Variants in SPIDR observed in about 807,000 individuals in gnomAD.
SPIDR encodes the protein scaffold protein involved in DNA repair, also known as DNA repair-scaffolding protein.
A neutral mutation model predicts 104.6 loss-of-function variants in SPIDR; 93 were observed. The ratio of observed to expected loss-of-function variants is 0.89; its 90% CI spans 0.75 to 1.06. SPIDR has a LOEUF of 1.06. SPIDR is among the 50% of genes least tolerant of loss of function. SPIDR has a pLI of 0.00. For synonymous variants in SPIDR, 431 were observed against 416.9 expected (o/e 1.03, Z -0.41); for missense variants, 1,154 against 1,111.2 (o/e 1.04, Z -0.55).
At chr8:47,735,111 G>GGTGTGTGTGT (rs202076247) in intron 19 of SPIDR, among the ~76,000 whole-genome samples, 196 bp from the exon 20 acceptor site, 10 of 135,254 alleles carry the variant, frequency 7.4e-5, no homozygotes, top group South Asian at 4.4e-4. Flanking sequence ...TGTGTGTGTG[G>GGTGTGTGTGT]GTGTGTGTGT....
intron 10 of SPIDR, among the ~76,000 whole-genome samples, chr8:47,661,332 G>A (rs565241675): frequency 6.6e-6 from 1 of 152,300 alleles, no homozygotes; most frequent in East Asian, 1.9e-4. Flanking sequence ...CTCACACCAG[G>A]TATAAGGGAC....
At chr8:47,717,647 C>CCT (rs1346528585) in intron 16 of SPIDR, among the ~76,000 whole-genome samples, 4 of 152,166 alleles carry the variant, frequency 2.6e-5, no homozygotes, top group Non-Finnish European at 5.9e-5. Context: ...AGTGCAGTGA[C>CCT]CTCCCTGTTG....
At chr8:47,516,346 A>G (rs762268597) in intron 8 of SPIDR, among the ~76,000 whole-genome samples, 4 of 152,196 alleles carry the variant, frequency 2.6e-5, no homozygotes, top group African/African-American at 7.2e-5. Context: ...AACTACAATC[A>G]TAATGTGGTG....
At chr8:47,618,487 A>G (rs1409469052) in intron 10 of SPIDR, among the ~76,000 whole-genome samples, 1 of 152,196 alleles carries the variant, frequency 6.6e-6, no homozygotes, top group Non-Finnish European at 1.5e-5. Context: ...ATTCAGCTAT[A>G]GATTTTAATA....
chr8:47,620,759 AG>A (rs2065035378), intron 10 of SPIDR, among the ~76,000 whole-genome samples: 1 of 150,446 alleles, frequency 6.6e-6, no homozygotes, highest in Admixed American at 6.7e-5. Context: ...CTGGGACTAC[AG>A]GCACACATCA....
intron 16 of SPIDR, among the ~76,000 whole-genome samples, chr8:47,715,385 C>T (rs1322690189): frequency 6.6e-6 from 1 of 152,086 alleles, no homozygotes; most frequent in African/African-American, 2.4e-5. Context: ...CCATGTTGGC[C>T]AGGCTGGTCT....
Position 47,700,459 on chromosome 8 carries a change from A to T in SPIDR, c.1742A>T (p.Lys581Ile). 6.2e-7 allele frequency: 1 copy of T among 1,614,176 alleles called. No individual in the cohort carries two copies. Among genetic ancestry groups the T allele is most frequent in the Non-Finnish European group, 8.5e-7 (1 of 1,180,034 alleles). Reference protein sequence around the residue: ...DTLWPPAIPLKTPGRDQPCEE... With the variant: ...DTLWPPAIPLITPGRDQPCEE... Reference sequence around the variant, plus strand: ...CTGTGGCCCCCAGCGATACCTCTGAAAACACCTGGCCGCGACCAGCCCTGT... The same window carrying T: ...CTGTGGCCCCCAGCGATACCTCTGATAACACCTGGCCGCGACCAGCCCTGT... The change falls in exon 12 of 20, where the codon AAA (lysine) becomes ATA (isoleucine). Residue 581 changes from lysine (K) to isoleucine (I), a missense_variant. Physicochemically the swap from Lys to Ile is moderately radical, Grantham distance 102. Coordinates refer to ENST00000297423, the MANE Select transcript of SPIDR (RefSeq NM_001080394.4).
intron 1 of SPIDR, among the ~76,000 whole-genome samples, chr8:47,263,453 C>T (rs1349278667): frequency 6.6e-6 from 1 of 151,694 alleles, no homozygotes; most frequent in Non-Finnish European, 1.5e-5. Context: ...GGCGCGATCT[C>T]GGTACAGGCG....
At chr8:47,468,549 G>A (rs145923403) in intron 8 of SPIDR, among the ~76,000 whole-genome samples, 4 of 152,086 alleles carry the variant, frequency 2.6e-5, no homozygotes, top group East Asian at 1.9e-4. Flanking sequence ...AAATAAGGCC[G>A]CACACCTACA....
At chr8:47,325,817 A>G (rs1554599978) in intron 5 of SPIDR, among the ~76,000 whole-genome samples, 1 of 152,024 alleles carries the variant, frequency 6.6e-6, no homozygotes. Context: ...GTTTTCCCCA[A>G]ATGCCTCTGC....
rs540190980 is a variant in SPIDR at position 47,599,394 on chromosome 8, C to G, written c.1544+198C>G. On this transcript the variant is annotated intron_variant, in intron 10 of 19. Transcript: ENST00000297423. The stretch of plus-strand genomic sequence containing the variant: ...TATCTATCTATTTAATTTTAAAGTC[C>G]TATTAAAAATTAAATTTGCTGCATT... Among the ~76,000 whole-genome samples, 148 of 152,240 alleles carry G rather than the reference C, an allele frequency of 9.7e-4. No individual in the cohort carries two copies. In the South Asian group the frequency reaches 0.03, roughly 31 times the overall value.
At chr8:47,432,389 T>C (rs1554689820) in intron 7 of SPIDR, among the ~76,000 whole-genome samples, 1 of 152,116 alleles carries the variant, frequency 6.6e-6, no homozygotes, top group African/African-American at 2.4e-5. Flanking sequence ...GCAGTTGAGA[T>C]GAAGGGGAGA....
intron 10 of SPIDR, among the ~76,000 whole-genome samples, chr8:47,614,678 G>A (rs1168031156): frequency 6.6e-6 from 1 of 152,166 alleles, no homozygotes; most frequent in African/African-American, 2.4e-5. Flanking sequence ...CTTCATCATA[G>A]AATGAAGATA....
At chr8:47,449,737 TGGAA>T (rs1293333880) in intron 8 of SPIDR, among the ~76,000 whole-genome samples, 4 of 152,126 alleles carry the variant, frequency 2.6e-5, no homozygotes, top group African/African-American at 9.7e-5. Flanking sequence ...TCTGAAAAAC[TGGAA>T]GGAAGATAAG....
intron 11 of SPIDR, among the ~76,000 whole-genome samples, chr8:47,685,438 C>T (rs990349395): frequency 6.6e-6 from 1 of 151,182 alleles, no homozygotes; most frequent in African/African-American, 2.4e-5. Context: ...TCCTTCTTAC[C>T]ACAGAAATTA....
At chr8:47,633,076 A>C (rs576342169) in intron 10 of SPIDR, among the ~76,000 whole-genome samples, 1 of 152,334 alleles carries the variant, frequency 6.6e-6, no homozygotes, top group Non-Finnish European at 1.5e-5. Context: ...AACAGCATAA[A>C]AACAATTATT....
intron 11 of SPIDR, among the ~76,000 whole-genome samples, chr8:47,697,416 A>C (rs1017111188): frequency 3.3e-5 from 5 of 152,244 alleles, no homozygotes; most frequent in African/African-American, 1.2e-4. Flanking sequence ...AACTTGGTAG[A>C]TACAATTTTA....
chr8:47,630,412 T>C (rs1301289494), intron 10 of SPIDR, among the ~76,000 whole-genome samples: 2 of 152,218 alleles, frequency 1.3e-5, no homozygotes, highest in Non-Finnish European at 2.9e-5. Context: ...GTTTGTGACC[T>C]GGGGCAACTT....
chr8:47,447,616 A>G (rs1554702887), intron 8 of SPIDR, among the ~76,000 whole-genome samples: 1 of 152,244 alleles, frequency 6.6e-6, no homozygotes, highest in African/African-American at 2.4e-5. Context: ...CTTGATTGAT[A>G]AAGCAGCATC....
Sources: gnomAD v4.1 joint callset for allele counts (sites outside exome capture counted in the v4.1 genomes callset) on GRCh38, gnomAD v4.1.1 for gene constraint, MANE v1.5 for transcripts, NCBI Gene and HGNC (gene_info 2026-07-23, HGNC 2026-07-21) for gene names.